The following SLC4A4 variants were observed in gnomAD, a reference collection of about 807,000 sequenced individuals.
SLC4A4 encodes the protein solute carrier family 4 member 4, also known as electrogenic sodium bicarbonate cotransporter 1.
In SLC4A4, 27 loss-of-function variants were observed where a neutral mutation model predicts 111.5. That is an observed-to-expected ratio of 0.24 (90% CI 0.18 to 0.33). SLC4A4 has a LOEUF of 0.33. Among genes scored for constraint, SLC4A4 ranks in the 10% least tolerant of loss-of-function variants. The pLI is 1.00. For missense variants in SLC4A4, 909 were observed against 1,315.5 expected (o/e 0.69, Z 4.78); for synonymous variants, 443 against 463.4 (o/e 0.96, Z 0.57).
chr4:71,203,281 C>A (rs1746338730), intron 1 of SLC4A4, among the ~76,000 whole-genome samples: 1 of 152,146 alleles, frequency 6.6e-6, no homozygotes, highest in Non-Finnish European at 1.5e-5. Context: ...TGGGAAACAA[C>A]TCTATATCCA....
chr4:71,461,921 T>C (rs1726867554), intron 12 of SLC4A4, among the ~76,000 whole-genome samples: 1 of 152,176 alleles, frequency 6.6e-6, no homozygotes, highest in African/African-American at 2.4e-5. Flanking sequence ...GAAAGAAGCG[T>C]CTCTTAATGG....
At chr4:71,245,095 C>A (rs1277635394) in intron 2 of SLC4A4, among the ~76,000 whole-genome samples, 1 of 152,162 alleles carries the variant, frequency 6.6e-6, no homozygotes, top group East Asian at 1.9e-4. Context: ...GCATTCCAGG[C>A]AGGCATGTGT....
At chr4:71,502,432 T>C (rs1435800835) in intron 16 of SLC4A4, among the ~76,000 whole-genome samples, 1 of 152,228 alleles carries the variant, frequency 6.6e-6, no homozygotes, top group Admixed American at 6.5e-5. Flanking sequence ...GGCTGTTTAT[T>C]AGAAATCTTC....
intron 1 of SLC4A4, among the ~76,000 whole-genome samples, chr4:71,071,721 T>TTA (rs1374477775): frequency 6.6e-6 from 1 of 152,198 alleles, no homozygotes; most frequent in African/African-American, 2.4e-5. Context: ...TTAACTCTAC[T>TTA]ATCTTGAAGA....
chr4:71,239,313 C>A (rs1720026519), intron 2 of SLC4A4, among the ~76,000 whole-genome samples: 1 of 152,070 alleles, frequency 6.6e-6, no homozygotes. Context: ...AGATGTACTC[C>A]CAATAAGTGA....
chr4:71,153,599 A>C (rs577833024), intron 2 of SLC4A4, among the ~76,000 whole-genome samples: 1 of 152,312 alleles, frequency 6.6e-6, no homozygotes, highest in African/African-American at 2.4e-5. Context: ...TAGTGTGAAG[A>C]TTAAATGAAA....
At chr4:71,386,918 T>A (rs1718789170) in intron 6 of SLC4A4, among the ~76,000 whole-genome samples, 1 of 152,226 alleles carries the variant, frequency 6.6e-6, no homozygotes, top group Non-Finnish European at 1.5e-5. Context: ...GGCATAATTC[T>A]GAGGGGTGCT....
chr4:71,333,382 CAGA>C (rs768506794), intron 3 of SLC4A4, among the ~76,000 whole-genome samples: 4 of 152,232 alleles, frequency 2.6e-5, no homozygotes, highest in Non-Finnish European at 5.9e-5. Context: ...TTCCTCTGAA[CAGA>C]AGAAGTCTCT....
chr4:71,169,171 G>T (rs1744870374), intron 2 of SLC4A4, among the ~76,000 whole-genome samples: 1 of 151,016 alleles, frequency 6.6e-6, no homozygotes, highest in South Asian at 2.1e-4. Context: ...CACCATACCT[G>T]GCTATTTTTT....
At chr4:71,098,717 C>T (rs1257730083) in intron 2 of SLC4A4, among the ~76,000 whole-genome samples, 3 of 151,960 alleles carry the variant, frequency 2.0e-5, no homozygotes, top group Non-Finnish European at 4.4e-5. Context: ...CTTCAAGAGG[C>T]CCATTCCACA....
chr4:71,552,303 G>A (rs1005880632), intron 20 of SLC4A4, among the ~76,000 whole-genome samples: 2 of 151,692 alleles, frequency 1.3e-5, no homozygotes, highest in African/African-American at 4.8e-5. Flanking sequence ...TGACTTTTGT[G>A]CCCATGCTCT....
intron 7 of SLC4A4, among the ~76,000 whole-genome samples, chr4:71,418,876 G>C (rs1015888933): frequency 3.1e-4 from 47 of 152,280 alleles, no homozygotes; most frequent in African/African-American, 1.1e-3. Flanking sequence ...TTTTGGTGTG[G>C]ATGTCCTTTC....
chr4:71,168,177 C>CTTTTTTT (rs777092928), intron 2 of SLC4A4, among the ~76,000 whole-genome samples: 6 of 106,240 alleles, frequency 5.6e-5, no homozygotes, highest in African/African-American at 1.3e-4. Flanking sequence ...CAATTATACT[C>CTTTTTTT]TTTTTTTTTT....
chr4:71,336,287 TA>T (rs36074139), intron 3 of SLC4A4, among the ~76,000 whole-genome samples: 14 of 151,962 alleles, frequency 9.2e-5, no homozygotes, highest in African/African-American at 1.7e-4. Flanking sequence ...TGCATGACTG[TA>T]AAAAAAAGAC....
intron 3 of SLC4A4, among the ~76,000 whole-genome samples, chr4:71,281,897 G>C (rs2149092510): frequency 6.6e-6 from 1 of 151,824 alleles, no homozygotes; most frequent in Admixed American, 6.6e-5. Context: ...ACTGAGGCAA[G>C]GGTCATTTGA....
At chr4:71,336,196 A>T (rs1351817953) in intron 3 of SLC4A4, among the ~76,000 whole-genome samples, 1 of 152,218 alleles carries the variant, frequency 6.6e-6, no homozygotes, top group Admixed American at 6.5e-5. Flanking sequence ...GAAGCCCTAG[A>T]AATAAACCAT....
chr4:71,160,276 A>G (rs1744584239), intron 2 of SLC4A4, among the ~76,000 whole-genome samples: 1 of 152,080 alleles, frequency 6.6e-6, no homozygotes, highest in South Asian at 2.1e-4. Flanking sequence ...TTTAGGAGGA[A>G]CTAAATACAT....
chr4:71,231,139 G>A (rs909412120), intron 1 of SLC4A4, among the ~76,000 whole-genome samples: 1 of 152,222 alleles, frequency 6.6e-6, no homozygotes, highest in Non-Finnish European at 1.5e-5. Context: ...GAATCTAAAG[G>A]CTAGCACACT....
At chr4:71,330,228 T>C (rs1482358344) in intron 3 of SLC4A4, among the ~76,000 whole-genome samples, 1 of 152,178 alleles carries the variant, frequency 6.6e-6, no homozygotes, top group Non-Finnish European at 1.5e-5. Context: ...TTGTTGAGAA[T>C]TTTTGCATCA....
Sources: gnomAD v4.1 joint callset for allele counts (sites outside exome capture counted in the v4.1 genomes callset) on GRCh38, gnomAD v4.1.1 for gene constraint, MANE v1.5 for transcripts, NCBI Gene and HGNC (gene_info 2026-07-23, HGNC 2026-07-21) for gene names.